The following MTSS2 variants were observed in gnomAD, a reference collection of about 807,000 sequenced individuals.
The protein encoded by MTSS2 is protein MTSS 2.
A neutral mutation model predicts 67.1 loss-of-function variants in MTSS2; 27 were observed. That is an observed-to-expected ratio of 0.40 (90% CI 0.30 to 0.55). The LOEUF is 0.55. MTSS2 is among the 20% of genes least tolerant of loss of function. The pLI is 0.43. For missense variants in MTSS2, 1,171 were observed against 1,067.8 expected, an observed-to-expected ratio of 1.10 and a Z score of -1.35; for synonymous variants, 624 against 468.6, an observed-to-expected ratio of 1.33 and a Z score of -4.28.
rs1253746252 is a variant in MTSS2, at chr16:70,685,690, GC to G, written c.69+32del. The G allele has an allele frequency of 5.6e-6, 7 of 1,252,704 alleles. 1 individual carries two copies. In the South Asian group the frequency reaches 1.4e-4, roughly 24 times the overall value. 77.6% of individuals were successfully genotyped at this position (1,252,704 alleles called of 1,614,324 possible). ...GTCCCCGGGGGGTCCCGCACCCGTC[GC>G]CGCGCGCCCGGCCCCGCCGCGCCCC... is the stretch of plus-strand genomic sequence containing the variant. On this transcript the variant is annotated intron_variant, in intron 1 of 14. Coordinates refer to ENST00000338779, the MANE Select transcript of MTSS2 (RefSeq NM_138383.3).
chr16:70,673,596 G>A (rs948812979), intron 11 of MTSS2, among the ~76,000 whole-genome samples: 1 of 152,114 alleles, frequency 6.6e-6, no homozygotes, highest in Non-Finnish European at 1.5e-5. Flanking sequence ...AAGAAAATAA[G>A]CTTTGGAGGA....
At chr16:70,679,470 G>T in intron 6 of MTSS2, 147 bp from the exon 7 acceptor site, 2 of 1,249,590 alleles carry the variant, frequency 1.6e-6, no homozygotes, top group Non-Finnish European at 2.3e-6. Flanking sequence ...AGGTTTGGGG[G>T]GAAGGGCAGC....
chr16:70,670,342 G>A (rs903898121), intron 11 of MTSS2, among the ~76,000 whole-genome samples: 33 of 152,316 alleles, frequency 2.2e-4, no homozygotes, highest in African/African-American at 7.7e-4. Flanking sequence ...ATTGGTATGA[G>A]CACTTGGCTT....
rs992101928 is a variant in MTSS2, at chr16:70,662,629, T to G, written c.*1048A>C. 1 of 152,344 alleles carries G rather than the reference T, an allele frequency of 6.6e-6. No homozygotes were observed. Among genetic ancestry groups the G allele is most frequent in the Non-Finnish European group, 1.5e-5 (1 of 68,084 alleles). 9.4% of individuals were successfully genotyped at this position (152,344 alleles called of 1,614,324 possible). On this transcript the variant is annotated 3_prime_UTR_variant, in exon 15 of 15. Transcript: ENST00000338779. ...TCCACCGGGCTCTGGGGGAGCCAAG[T>G]CCCTCCCTTCTCATCCTGCCATAGG...
rs2052490449 is a variant in MTSS2 at position 70,661,917 on chromosome 16, C to T, written c.*1760G>A. The T allele has an allele frequency of 6.5e-6, 1 of 153,812 alleles. No homozygotes were observed. The highest frequency in any genetic ancestry group is 1.4e-5 in the Non-Finnish European group (1 of 69,206). The allele number at this position is 153,812 out of a possible 1,614,324, so 9.5% of individuals were successfully genotyped here. ...GGAGAATGTGTGGCGGAAATTCTAC[C>T]CAAGACTCCCCAAATAATTGGTCAC... On this transcript the variant is annotated 3_prime_UTR_variant, in exon 15 of 15. Transcript: ENST00000338779.
intron 11 of MTSS2, among the ~76,000 whole-genome samples, chr16:70,672,446 A>G (rs2052972062): frequency 6.6e-6 from 1 of 151,662 alleles, no homozygotes; most frequent in Admixed American, 6.6e-5. Flanking sequence ...GAGAGAGAAA[A>G]CTGGCAAAAA....
At chr16:70,670,039 G>C (rs569806832) in intron 11 of MTSS2, among the ~76,000 whole-genome samples, 11 of 150,740 alleles carry the variant, frequency 7.3e-5, no homozygotes, top group Non-Finnish European at 1.3e-4. Context: ...GGGAGGCTGA[G>C]GGGGGTGGAC....
intron 10 of MTSS2, among the ~76,000 whole-genome samples, chr16:70,675,305 C>G (rs2053080849): frequency 6.6e-6 from 1 of 151,632 alleles, no homozygotes; most frequent in African/African-American, 2.4e-5. Flanking sequence ...CACCTGTATT[C>G]CCAGCTACTT....
Position 70,682,608 on chromosome 16 carries a change from C to T in MTSS2, c.70-1583G>A, listed in dbSNP as rs150172404. On this transcript the variant is annotated intron_variant, in intron 1 of 14. Coordinates refer to ENST00000338779, the MANE Select transcript of MTSS2 (RefSeq NM_138383.3). Reference sequence around the variant, plus strand: ...GGGAGGCCAGGCCATTTCCCCTCAGCAGATGGACCTAGATGCCTCAGTCTC... The same window carrying T: ...GGGAGGCCAGGCCATTTCCCCTCAGTAGATGGACCTAGATGCCTCAGTCTC... 1.2e-3 allele frequency among the ~76,000 whole-genome samples: 180 copies of T among 152,128 alleles called. 1 individual carries two copies. Among genetic ancestry groups the T allele is most frequent in the African/African-American group, 4.3e-3 (178 of 41,502 alleles).
intron 11 of MTSS2, 38 bp from the exon 12 acceptor site, chr16:70,665,578 G>T: frequency 6.6e-7 from 1 of 1,522,182 alleles, no homozygotes; most frequent in Non-Finnish European, 8.9e-7. Flanking sequence ...GCAGACAGAG[G>T]GGCCGGCAGG....
chr16:70,673,522 A>T (rs1597812603), intron 11 of MTSS2, among the ~76,000 whole-genome samples: 1 of 152,258 alleles, frequency 6.6e-6, no homozygotes, highest in Non-Finnish European at 1.5e-5. Context: ...ACAAAAACTG[A>T]GAGTTTACAA....
intron 12 of MTSS2, 39 bp from the exon 13 acceptor site, chr16:70,665,135 C>T: frequency 1.9e-6 from 3 of 1,560,654 alleles, no homozygotes; most frequent in Non-Finnish European, 2.6e-6. Context: ...GACCACTGGC[C>T]CTACCACCTA....
chr16:70,664,383 T>A lies in MTSS2; in HGVS notation c.1538A>T (p.Lys513Met). 6.3e-7 allele frequency: 1 copy of A among 1,576,596 alleles called. No individual in the cohort carries two copies. Among genetic ancestry groups the A allele is most frequent in the South Asian group, 1.2e-5 (1 of 84,032 alleles). The change falls in exon 15 of 15, where the codon AAG (lysine) becomes ATG (methionine). Residue 513 changes from lysine (K) to methionine (M), a missense_variant. Transcript: ENST00000338779. The stretch of plus-strand genomic sequence containing the variant: ...GCTGTTGCGCGGGATGGTGGATGAC[T>A]TGTCAAACTCGGGCGGGCCCTCGCT... The part of the protein sequence containing the change: ...ADSEGPPEFD[K>M]SSTIPRNSNI...
Position 70,674,346 on chromosome 16 carries a change from G to C in MTSS2, c.1013C>G (p.Ser338Cys). The C allele has an allele frequency of 6.2e-7, 1 of 1,614,088 alleles. No individual in the cohort carries two copies. Among genetic ancestry groups the C allele is most frequent in the Non-Finnish European group, 8.5e-7 (1 of 1,179,998 alleles). The change falls in exon 11 of 15, where the codon TCC (serine) becomes TGC (cysteine). Residue 338 changes from serine to cysteine, a missense_variant. This residue lies in a region of MTSS2 where 924 missense variants were observed against 756.0 expected (regional missense o/e 1.22). Transcript: ENST00000338779. ...SGFVSQDATY[S>C]KPPSPMPSDI... ...TGAAGGCATAGGCGAGGGGGGCTTG[G>C]AGTAGGTGGCGTCCTGGGAGACGAA...
chr16:70,670,969 C>CAAA lies in MTSS2; in HGVS notation c.1053+3334_1053+3336dup, dbSNP rs1166088540. Reference sequence around the variant, plus strand: ...TGGGTGACAGAGTGAGACCCTGTCTCAAAAAAAAAAAAAAAAAAAAAAAAA... The same window carrying CAAA: ...TGGGTGACAGAGTGAGACCCTGTCTCAAAAAAAAAAAAAAAAAAAAAAAAAAAA... On this transcript the variant is annotated intron_variant, in intron 11 of 14. Transcript: ENST00000338779. Among the ~76,000 whole-genome samples the CAAA allele has an allele frequency of 5.7e-3, 188 of 32,942 alleles. 6 individuals carry two copies. Among genetic ancestry groups the CAAA allele is most frequent in the African/African-American group, 0.019 (176 of 9,466 alleles). 21.6% of individuals were successfully genotyped at this position (32,942 alleles called of 152,430 possible). A position where few individuals can be genotyped will look rare whatever the true frequency, so the allele number is the denominator to read the frequency against.
chr16:70,664,400 G>A lies in MTSS2; in HGVS notation c.1521C>T (p.Gly507=). Residue 507 remains glycine, a synonymous_variant, in exon 15 of 15, where the codon GGC becomes GGT. Coordinates refer to ENST00000338779, the MANE Select transcript of MTSS2 (RefSeq NM_138383.3). ...YSVNGDADSE[G]PPEFDKSSTI... ...TGGATGACTTGTCAAACTCGGGCGG[G>A]CCCTCGCTGTCCGCATCCCCATTCA... 6.4e-7 allele frequency: 1 copy of A among 1,558,080 alleles called. No homozygotes were observed. The highest frequency in any genetic ancestry group is 8.6e-7 in the Non-Finnish European group (1 of 1,157,218).
Position 70,663,432 on chromosome 16 carries a change from G to A in MTSS2, c.*245C>T, listed in dbSNP as rs931234390. On this transcript the variant is annotated 3_prime_UTR_variant, in exon 15 of 15. Transcript: ENST00000338779. The stretch of plus-strand genomic sequence containing the variant: ...CCCCAGAGGAGGAAGAGGAGGGACC[G>A]AAGAGCATAAAACAGACCCCGAACC... 1.8e-5 allele frequency: 11 copies of A among 613,858 alleles called. No individual in the cohort carries two copies. Among genetic ancestry groups the A allele is most frequent in the South Asian group, 2.5e-5 (1 of 40,238 alleles). The allele number at this position is 613,858 out of a possible 1,614,324, so 38.0% of individuals were successfully genotyped here. A position where few individuals can be genotyped will look rare whatever the true frequency, so the allele number is the denominator to read the frequency against.
intron 11 of MTSS2, among the ~76,000 whole-genome samples, chr16:70,672,380 G>A (rs1164387966): frequency 4.7e-5 from 7 of 149,796 alleles, no homozygotes; most frequent in Non-Finnish European, 7.4e-5. Flanking sequence ...AGAAAAACCC[G>A]GGAACATTAT....
At chr16:70,674,646 CAAT>C in intron 10 of MTSS2, 118 bp from the exon 11 acceptor site, 2 of 857,714 alleles carry the variant, frequency 2.3e-6, no homozygotes, top group South Asian at 3.3e-5. Flanking sequence ...AAGGAAAAGA[CAAT>C]GTCAGACTAG....
Sources: allele counts gnomAD v4.1 joint callset (sites outside exome capture counted in the v4.1 genomes callset), GRCh38; gene constraint gnomAD v4.1.1; regional missense constraint gnomAD v4.1.1; transcripts MANE v1.5; gene names NCBI Gene and HGNC (gene_info 2026-07-23, HGNC 2026-07-21).